Variants in PLEKHF2 observed in about 807,000 individuals in gnomAD.
The protein encoded by PLEKHF2 is pleckstrin homology domain-containing family F member 2.
Under a neutral mutation model 14.7 loss-of-function variants are expected in PLEKHF2, and 4 were observed. That is an observed-to-expected ratio of 0.27 (90% CI 0.13 to 0.62). The LOEUF is 0.62. Ranked by LOEUF, PLEKHF2 falls within the 20% of genes least tolerant of loss-of-function variation. PLEKHF2 has a pLI of 0.85. For synonymous variants in PLEKHF2, 90 were observed against 103.5 expected (o/e 0.87, Z 0.79); for missense variants, 201 against 307.7 (o/e 0.65, Z 2.60).
chr8:95,142,658 T>A (rs1181284789), intron 1 of PLEKHF2, among the ~76,000 whole-genome samples: 3 of 152,224 alleles, frequency 2.0e-5, no homozygotes, highest in African/African-American at 7.2e-5. Context: ...AATCTGAGTT[T>A]TGTGATGATG....
rs143361961 is a variant in PLEKHF2 at position 95,156,076 on chromosome 8, C to G, written c.*1282C>G. 4 of 166,934 alleles carry G rather than the reference C, an allele frequency of 2.4e-5. No individual in the cohort carries two copies. Among genetic ancestry groups the G allele is most frequent in the Non-Finnish European group, 5.9e-5 (4 of 68,064 alleles). The allele number at this position is 166,934 out of a possible 1,614,324, so 10.3% of individuals were successfully genotyped here. On this transcript the variant is annotated 3_prime_UTR_variant, in exon 2 of 2. Transcript: ENST00000315367. ...TTATTTTGAGAAGTAATTGTTCACT[C>G]TTTACTTTTGAGGCAGCCATTAGGT...
At chr8:95,146,282 G>T (rs1020988759) in intron 1 of PLEKHF2, among the ~76,000 whole-genome samples, 1 of 152,072 alleles carries the variant, frequency 6.6e-6, no homozygotes, top group Non-Finnish European at 1.5e-5. Flanking sequence ...TAGAATCCAG[G>T]TCCTTTAGTT....
chr8:95,153,602 A>G (rs1490691333), intron 1 of PLEKHF2, among the ~76,000 whole-genome samples: 1 of 152,226 alleles, frequency 6.6e-6, no homozygotes, highest in Non-Finnish European at 1.5e-5. Flanking sequence ...GCTGTAGCTC[A>G]GTGGTAATAG....
intron 1 of PLEKHF2, among the ~76,000 whole-genome samples, chr8:95,149,838 T>C (rs186818684): frequency 6.6e-6 from 1 of 152,316 alleles, no homozygotes; most frequent in East Asian, 1.9e-4. Context: ...TCTCTTCTGC[T>C]TCCTCCCCTC....
chr8:95,136,333 T>TAC (rs34457137), intron 1 of PLEKHF2, among the ~76,000 whole-genome samples: 3,238 of 123,938 alleles, frequency 0.026, 53 homozygotes, highest in East Asian at 0.049. Context: ...TTATTATATA[T>TAC]ACACACACAC....
chr8:95,156,048 G>T lies in PLEKHF2; in HGVS notation c.*1254G>T, dbSNP rs1026067519. 1.2e-5 allele frequency: 2 copies of T among 166,958 alleles called. No homozygotes were observed. Among genetic ancestry groups the T allele is most frequent in the Non-Finnish European group, 2.9e-5 (2 of 68,070 alleles). 10.3% of individuals were successfully genotyped at this position (166,958 alleles called of 1,614,324 possible). On this transcript the variant is annotated 3_prime_UTR_variant, in exon 2 of 2. Transcript: ENST00000315367. ...AAATTGTGAACTTTAAGTCAATCTAGATTTATTTTGAGAAGTAATTGTTCA... is the reference window on the plus strand; with the variant it reads ...AAATTGTGAACTTTAAGTCAATCTATATTTATTTTGAGAAGTAATTGTTCA...
intron 1 of PLEKHF2, among the ~76,000 whole-genome samples, chr8:95,134,622 C>T (rs2132102654): frequency 6.6e-6 from 1 of 152,266 alleles, no homozygotes; most frequent in African/African-American, 2.4e-5. Flanking sequence ...GTTTTATGAT[C>T]CTTTGACGAA....
At chr8:95,136,913 A>G (rs1399935684) in intron 1 of PLEKHF2, among the ~76,000 whole-genome samples, 2 of 152,248 alleles carry the variant, frequency 1.3e-5, no homozygotes, top group Non-Finnish European at 2.9e-5. Context: ...TAATGCCTAT[A>G]GAATTCGGGG....
At chr8:95,140,957 G>C (rs1005799849) in intron 1 of PLEKHF2, among the ~76,000 whole-genome samples, 2 of 151,914 alleles carry the variant, frequency 1.3e-5, no homozygotes, top group African/African-American at 4.8e-5. Context: ...TTCTTTGTCA[G>C]TTACTCCCAT....
At chr8:95,146,089 T>A (rs1050560803) in intron 1 of PLEKHF2, among the ~76,000 whole-genome samples, 1 of 152,178 alleles carries the variant, frequency 6.6e-6, no homozygotes. Flanking sequence ...AGTCATAAAT[T>A]TGATTAAAAA....
chr8:95,144,686 A>C (rs1398965441), intron 1 of PLEKHF2, among the ~76,000 whole-genome samples: 1 of 151,990 alleles, frequency 6.6e-6, no homozygotes, highest in South Asian at 2.1e-4. Flanking sequence ...GGCCAACATG[A>C]TGAAACCTTG....
intron 1 of PLEKHF2, among the ~76,000 whole-genome samples, chr8:95,144,179 TG>T (rs1387497467): frequency 1.3e-5 from 2 of 152,214 alleles, no homozygotes; most frequent in African/African-American, 4.8e-5. Context: ...TTAGAGGGCT[TG>T]TTTAGAACTT....
intron 1 of PLEKHF2, among the ~76,000 whole-genome samples, chr8:95,146,512 C>CTT (rs76173940): frequency 1.5e-5 from 2 of 137,050 alleles, no homozygotes; most frequent in South Asian, 2.3e-4. Flanking sequence ...GATTCTGTGT[C>CTT]TTTTTTTTTT....
intron 1 of PLEKHF2, among the ~76,000 whole-genome samples, chr8:95,142,862 C>T (rs1374896241): frequency 6.6e-6 from 1 of 152,066 alleles, no homozygotes; most frequent in Admixed American, 6.5e-5. Context: ...AATTTAAAAT[C>T]TGTGGGTCCA....
intron 1 of PLEKHF2, among the ~76,000 whole-genome samples, chr8:95,149,372 A>G (rs1810534198): frequency 6.6e-6 from 1 of 152,066 alleles, no homozygotes; most frequent in Non-Finnish European, 1.5e-5. Flanking sequence ...GGAATTACCT[A>G]TTTATTTATT....
At chr8:95,145,593 T>C (rs889018773) in intron 1 of PLEKHF2, among the ~76,000 whole-genome samples, 1 of 152,036 alleles carries the variant, frequency 6.6e-6, no homozygotes, top group African/African-American at 2.4e-5. Flanking sequence ...CTGGCTAATT[T>C]TTTTGTGTTT....
chr8:95,152,580 T>G (rs1810575155), intron 1 of PLEKHF2, among the ~76,000 whole-genome samples: 1 of 152,150 alleles, frequency 6.6e-6, no homozygotes, highest in African/African-American at 2.4e-5. Flanking sequence ...GTGCATAGGA[T>G]AGTAGGCTTT....
At chr8:95,139,517 C>T (rs929616952) in intron 1 of PLEKHF2, among the ~76,000 whole-genome samples, 1 of 152,096 alleles carries the variant, frequency 6.6e-6, no homozygotes, top group African/African-American at 2.4e-5. Flanking sequence ...GTCAATCAAT[C>T]AATAAATGTT....
Position 95,154,805 on chromosome 8 carries a change from G to T in PLEKHF2, c.*11G>T. On this transcript the variant is annotated 3_prime_UTR_variant, in exon 2 of 2. Coordinates refer to ENST00000315367, the MANE Select transcript of PLEKHF2 (RefSeq NM_024613.4). The surrounding 1 kb of genome is among the most constrained non-coding windows in gnomAD (Gnocchi z 5.6). ...GATAGCAGTGACTAAGGACACATTT[G>T]GGAGTATTTAATCAGGTGTGGCTAT... 6.2e-7 allele frequency: 1 copy of T among 1,610,824 alleles called. No individual in the cohort carries two copies. The highest frequency in any genetic ancestry group is 1.1e-5 in the South Asian group (1 of 90,978).
Sources: allele counts gnomAD v4.1 joint callset (sites outside exome capture counted in the v4.1 genomes callset), GRCh38; gene constraint gnomAD v4.1.1; non-coding constraint Gnocchi (gnomAD v3.1); transcripts MANE v1.5; gene names NCBI Gene and HGNC (gene_info 2026-07-23, HGNC 2026-07-21).